The following CEP85L variants were observed in gnomAD, a reference collection of about 807,000 sequenced individuals.
CEP85L encodes the protein centrosomal protein 85L.
CEP85L carries 60 observed loss-of-function variants against 100.3 expected under a neutral mutation model. The ratio of observed to expected loss-of-function variants is 0.60; its 90% CI spans 0.49 to 0.74. The LOEUF (loss-of-function observed/expected upper bound fraction) is 0.74. Among genes scored for constraint, CEP85L ranks in the 30% least tolerant of loss-of-function variants. CEP85L has a pLI of 0.00. For synonymous variants in CEP85L, 319 were observed against 322.7 expected, an observed-to-expected ratio of 0.99 and a Z score of 0.12; for missense variants, 973 against 936.2, an observed-to-expected ratio of 1.04 and a Z score of -0.51.
chr6:118,600,300 G>GGGGGGGTGTGTGTGTGTGTGTGTGTGTGT lies in CEP85L; in HGVS notation c.232+32152_232+32153insACACACACACACACACACACACACCCCCC, dbSNP rs1562297733. On this transcript the variant is annotated intron_variant, in intron 2 of 12. Coordinates refer to ENST00000368491, the MANE Select transcript of CEP85L (RefSeq NM_001042475.3). ...CTGCCTGTCCCTGAGCCTTCCTGGG[G>GGGGGGGTGTGTGTGTGTGTGTGTGTGTGT]GTGTGTGTGTGTGTGTGTGTGTGTG... Among the ~76,000 whole-genome samples, 3 of 52,236 alleles carry GGGGGGGTGTGTGTGTGTGTGTGTGTGTGT rather than the reference G, an allele frequency of 5.7e-5. 1 individual carries two copies. Among genetic ancestry groups the GGGGGGGTGTGTGTGTGTGTGTGTGTGTGT allele is most frequent in the Non-Finnish European group, 1.2e-4 (3 of 24,784 alleles). 34.3% of individuals were successfully genotyped at this position (52,236 alleles called of 152,430 possible). A position where few individuals can be genotyped will look rare whatever the true frequency, so the allele number is the denominator to read the frequency against.
At chr6:118,594,881 C>CAAAAA (rs34433072) in intron 2 of CEP85L, among the ~76,000 whole-genome samples, 1 of 134,914 alleles carries the variant, frequency 7.4e-6, no homozygotes, top group African/African-American at 2.7e-5. Flanking sequence ...CAAAACAAAA[C>CAAAAA]AAAAAAAAAA....
intron 6 of CEP85L, among the ~76,000 whole-genome samples, chr6:118,490,365 T>C (rs191708395): frequency 3.1e-4 from 47 of 152,304 alleles, no homozygotes; most frequent in Admixed American, 1.5e-3. Flanking sequence ...AGAGAAAATA[T>C]AATGGGATGG....
At chr6:118,572,153 G>GC (rs1359661314) in intron 2 of CEP85L, among the ~76,000 whole-genome samples, 1 of 151,384 alleles carries the variant, frequency 6.6e-6, no homozygotes, top group African/African-American at 2.4e-5. Flanking sequence ...ACCACTCCTG[G>GC]CCCAGGTAAT....
At chr6:118,490,487 C>T (rs1281279040) in intron 6 of CEP85L, among the ~76,000 whole-genome samples, 1 of 152,142 alleles carries the variant, frequency 6.6e-6, no homozygotes, top group African/African-American at 2.4e-5. Context: ...AACTGGAATT[C>T]CCAACACTAG....
chr6:118,529,070 C>G (rs1423068581), intron 3 of CEP85L, among the ~76,000 whole-genome samples: 4 of 152,140 alleles, frequency 2.6e-5, no homozygotes, highest in Non-Finnish European at 1.5e-5. Flanking sequence ...ACCCCGGAAC[C>G]ATTTATCTTT....
At chr6:118,685,807 AAGG>A (rs1372034990) in intron 1 of CEP85L, among the ~76,000 whole-genome samples, 1 of 151,766 alleles carries the variant, frequency 6.6e-6, no homozygotes. Context: ...GAGAGGAAGA[AAGG>A]AGAAAAAGGA....
chr6:118,537,537 T>C, intron 3 of CEP85L: 4 of 985,290 alleles, frequency 4.1e-6, no homozygotes, highest in Non-Finnish European at 4.8e-6. Flanking sequence ...TTCTTGGAAA[T>C]GGCAGATTCC....
At chr6:118,707,320 A>T (rs1014284349) in intron 1 of CEP85L, among the ~76,000 whole-genome samples, 1 of 151,188 alleles carries the variant, frequency 6.6e-6, no homozygotes, top group African/African-American at 2.4e-5. Flanking sequence ...CAGCCTCCCC[A>T]GTAGCTGGGA....
intron 2 of CEP85L, among the ~76,000 whole-genome samples, chr6:118,599,109 A>G (rs919765525): frequency 6.6e-6 from 1 of 152,330 alleles, no homozygotes; most frequent in African/African-American, 2.4e-5. Flanking sequence ...AGGGCCTAAA[A>G]GCAATGACAA....
At chr6:118,566,342 T>G (rs768376715) in intron 2 of CEP85L, 26 bp from the exon 3 acceptor site, 1 of 1,559,412 alleles carries the variant, frequency 6.4e-7, no homozygotes, top group South Asian at 1.2e-5. Flanking sequence ...ATGGTCAAAT[T>G]AGTTACAATT....
intron 5 of CEP85L, among the ~76,000 whole-genome samples, chr6:118,508,724 C>A (rs888188107): frequency 7.9e-5 from 12 of 151,962 alleles, no homozygotes; most frequent in Non-Finnish European, 1.3e-4. Context: ...CTTATTTACT[C>A]TAGAATACAC....
At chr6:118,659,133 T>TTGAATCACCAGTTACTACAA (rs1432419421) in intron 1 of CEP85L, among the ~76,000 whole-genome samples, 1 of 152,198 alleles carries the variant, frequency 6.6e-6, no homozygotes, top group East Asian at 1.9e-4. Context: ...TCTATGCACC[T>TTGAATCACCAGTTACTACAA]TGAATCACCA....
At chr6:118,505,055 T>C (rs1582931719) in intron 5 of CEP85L, among the ~76,000 whole-genome samples, 1 of 152,170 alleles carries the variant, frequency 6.6e-6, no homozygotes, top group East Asian at 1.9e-4. Flanking sequence ...TGTGGGGATA[T>C]GGAGGATATG....
At chr6:118,491,598 A>AT in intron 6 of CEP85L, 88 bp downstream of exon 6, 1 of 1,515,162 alleles carries the variant, frequency 6.6e-7, no homozygotes, top group African/African-American at 1.4e-5. Context: ...ATAACCTGGC[A>AT]TGACACCTGA....
At chr6:118,475,350 T>G (rs372936986) in intron 10 of CEP85L, among the ~76,000 whole-genome samples, 1 of 111,852 alleles carries the variant, frequency 8.9e-6, no homozygotes. Flanking sequence ...AGGTGACATT[T>G]TTTTTTTTTT....
At chr6:118,513,433 TAA>T (rs1231020052) in intron 4 of CEP85L, among the ~76,000 whole-genome samples, 1 of 152,076 alleles carries the variant, frequency 6.6e-6, no homozygotes, top group Non-Finnish European at 1.5e-5. Context: ...ATTACAGTGA[TAA>T]AATCTTAATA....
intron 1 of CEP85L, among the ~76,000 whole-genome samples, chr6:118,704,306 A>G (rs1777522128): frequency 6.6e-6 from 1 of 152,196 alleles, no homozygotes; most frequent in Admixed American, 6.5e-5. Context: ...GTTCATGCCT[A>G]TAATAAAATG....
chr6:118,522,730 T>G (rs1197939722), intron 4 of CEP85L, among the ~76,000 whole-genome samples: 1 of 152,012 alleles, frequency 6.6e-6, no homozygotes, highest in Non-Finnish European at 1.5e-5. Flanking sequence ...AATACAAACT[T>G]TAGCCAGGTA....
Position 118,523,880 on chromosome 6 carries a change from T to C in CEP85L, c.1061A>G (p.Tyr354Cys), listed in dbSNP as rs202222184. 3.1e-6 allele frequency: 5 copies of C among 1,608,600 alleles called. No homozygotes were observed. Among genetic ancestry groups the C allele is most frequent in the Admixed American group, 1.7e-5 (1 of 59,836 alleles). The change falls in exon 4 of 13, where the codon TAT (tyrosine) becomes TGT (cysteine). Residue 354 changes from tyrosine to cysteine, a missense_variant. Tyr to Cys is a radical substitution (Grantham distance 194). Coordinates refer to ENST00000368491, the MANE Select transcript of CEP85L (RefSeq NM_001042475.3). ...GSSRQSYSPG[Y>C]QDFSKWESML... is the part of the protein sequence containing the mutation. ...TGATTCCCACTTACTGAAATCCTGA[T>C]AGCCAGGTGAATAACTTTGACGAGA... is the stretch of plus-strand genomic sequence containing the variant.
Sources: allele counts gnomAD v4.1 joint callset (sites outside exome capture counted in the v4.1 genomes callset), GRCh38; gene constraint gnomAD v4.1.1; transcripts MANE v1.5; gene names NCBI Gene and HGNC (gene_info 2026-07-23, HGNC 2026-07-21).